The following RAPGEF3 variants were observed in gnomAD, a reference collection of about 807,000 sequenced individuals.
RAPGEF3 encodes 9330170P05Rik.
A neutral mutation model predicts 129.8 loss-of-function variants in RAPGEF3; 103 were observed. The ratio of observed to expected loss-of-function variants is 0.79; its 90% confidence interval spans 0.68 to 0.93. The LOEUF is 0.93. Among genes scored for constraint, RAPGEF3 ranks in the 40% least tolerant of loss-of-function variants. The pLI, the probability that RAPGEF3 is intolerant of heterozygous loss-of-function variation, is 0.00. For synonymous variants in RAPGEF3, 436 were observed against 482.6 expected, an observed-to-expected ratio of 0.90 and a Z score of 1.26; for missense variants, 1,117 against 1,207.4, an observed-to-expected ratio of 0.93 and a Z score of 1.11.
Position 47,738,229 on chromosome 12 carries a change from C to T in RAPGEF3, c.2545G>A (p.Ala849Thr), listed in dbSNP as rs201397656. Residue 849 changes from alanine (A) to threonine (T), a missense_variant, in exon 26 of 28, where the codon GCG (alanine) becomes ACG (threonine). Physicochemically the swap from Ala to Thr is moderately conservative, Grantham distance 58. This residue lies in a region of RAPGEF3 where 643 missense variants were observed against 673.4 expected (regional missense o/e 0.95). Transcript: ENST00000449771. ...CTTCGGCAGTGGTGCAGCATCCGCGCGGCTCTGGCCATCATTCTCTGCGGA... is the reference window on the plus strand; with the variant it reads ...CTTCGGCAGTGGTGCAGCATCCGCGTGGCTCTGGCCATCATTCTCTGCGGA... Reference protein sequence around the residue: ...FEKMRMMARAARMLHHCRSHN... With the variant: ...FEKMRMMARATRMLHHCRSHN... 8.1e-6 allele frequency: 13 copies of T among 1,613,554 alleles called. No individual in the cohort carries two copies. The highest frequency in any genetic ancestry group is 1.1e-5 in the Non-Finnish European group (13 of 1,180,012).
At chr12:47,738,629 A>G in intron 25 of RAPGEF3, 61 bp downstream of exon 25, 2 of 1,439,158 alleles carry the variant, frequency 1.4e-6, no homozygotes, top group Non-Finnish European at 2.0e-6. Flanking sequence ...GCCCCTTCCC[A>G]GGCCACAGTC....
At chr12:47,757,426 G>T (rs998892049) in intron 2 of RAPGEF3, among the ~76,000 whole-genome samples, 1 of 152,012 alleles carries the variant, frequency 6.6e-6, no homozygotes, top group Non-Finnish European at 1.5e-5. Context: ...AGACCAAAAC[G>T]CAGAATTAGC....
rs1197605224 is a variant in RAPGEF3, at chr12:47,735,421, C to T, written c.*2146G>A. On this transcript the variant is annotated 3_prime_UTR_variant, in exon 28 of 28. Transcript: ENST00000449771. ...GGGGCCACCGTAACATGGAGCCTTT[C>T]CCCGCTTTTGGGCCTCCTGTCCTCT... 2 of 152,354 alleles carry T rather than the reference C, an allele frequency of 1.3e-5. No individual in the cohort carries two copies. The highest frequency in any genetic ancestry group is 2.9e-5 in the Non-Finnish European group (2 of 68,138). The allele number at this position is 152,354 out of a possible 1,614,324, so 9.4% of individuals were successfully genotyped here.
chr12:47,740,945 G>C lies in RAPGEF3; in HGVS notation c.2019C>G (p.His673Gln), dbSNP rs148525602. Reference sequence around the variant, plus strand: ...GGATACTGTTGAAGAGGCTCCAGTCGTGGTCCGTCAGCTGGCCTGCCAGGT... The same window carrying C: ...GGATACTGTTGAAGAGGCTCCAGTCCTGGTCCGTCAGCTGGCCTGCCAGGT... ...AKDLAGQLTD[H>Q]DWSLFNSIHQ... Residue 673 changes from histidine to glutamine, a missense_variant, in exon 20 of 28, where the codon CAC becomes CAG. By Grantham distance (24) the His-to-Gln change is conservative. Around this residue, in one of 3 missense-constraint regions of RAPGEF3, gnomAD observed 643 missense variants for 673.4 expected, o/e 0.95. Transcript: ENST00000449771. 1 of 1,613,976 alleles carries C rather than the reference G, an allele frequency of 6.2e-7. No individual in the cohort carries two copies. Among genetic ancestry groups the C allele is most frequent in the South Asian group, 1.1e-5 (1 of 91,078 alleles).
rs182987959 is a variant in RAPGEF3, at chr12:47,738,439, C to G, written c.2527-192G>C. ...CGGGGACCAGGCAGAGGACAGAAGG[C>G]AGAGGCCAGGAGAGAAAGGCTTAGA... On this transcript the variant is annotated intron_variant, in intron 25 of 27. Coordinates refer to ENST00000449771, the MANE Select transcript of RAPGEF3 (RefSeq NM_001098531.4). Among the ~76,000 whole-genome samples the G allele has an allele frequency of 1.1e-3, 166 of 152,238 alleles. 1 individual carries two copies. Among genetic ancestry groups the G allele is most frequent in the Middle Eastern group, 0.01 (3 of 294 alleles).
chr12:47,758,231 AG>A, intron 1 of RAPGEF3, 153 bp from the exon 2 acceptor site: 2 of 1,435,294 alleles, frequency 1.4e-6, no homozygotes, highest in South Asian at 3.0e-5. Context: ...GGGGAGGAAC[AG>A]GAAGACCTTC....
chr12:47,737,693 A>T lies in RAPGEF3; in HGVS notation c.2654-8T>A. 1 of 1,612,086 alleles carries T rather than the reference A, an allele frequency of 6.2e-7. No homozygotes were observed. The highest frequency in any genetic ancestry group is 8.5e-7 in the Non-Finnish European group (1 of 1,178,950). On this transcript the variant is annotated splice_polypyrimidine_tract_variant and splice_region_variant and intron_variant, in intron 27 of 27. Coordinates refer to ENST00000449771, the MANE Select transcript of RAPGEF3 (RefSeq NM_001098531.4). ...TCAGGGACTGCTCCGAGCCTGGTGG[A>T]GGAGAGTAGTCAGGGAGGCACTGAT...
chr12:47,751,552 A>G, intron 4 of RAPGEF3, 32 bp from the exon 5 acceptor site: 1 of 1,613,226 alleles, frequency 6.2e-7, no homozygotes, highest in Non-Finnish European at 8.5e-7. Flanking sequence ...AGGCCAGTGG[A>G]AGGAGGGTGG....
At chr12:47,757,766 C>T in intron 2 of RAPGEF3, 100 bp downstream of exon 2, 1 of 1,205,212 alleles carries the variant, frequency 8.3e-7, no homozygotes. Flanking sequence ...TGTACACCCC[C>T]AGAGCAAGCT....
chr12:47,750,332 A>G lies in RAPGEF3; in HGVS notation c.756+9T>C. ...GGTACGGGGCAGGGCTGGGAGGGGC[A>G]GGACTGACCGAGTTGGAGAGGTGGG... On this transcript the variant is annotated intron_variant, in intron 7 of 27. Coordinates refer to ENST00000449771, the MANE Select transcript of RAPGEF3 (RefSeq NM_001098531.4). 1 of 1,613,236 alleles carries G rather than the reference A, an allele frequency of 6.2e-7. No individual in the cohort carries two copies. The highest frequency in any genetic ancestry group is 8.5e-7 in the Non-Finnish European group (1 of 1,179,228).
intron 2 of RAPGEF3, among the ~76,000 whole-genome samples, chr12:47,757,539 C>T (rs1019116227): frequency 7.2e-5 from 11 of 152,148 alleles, no homozygotes; most frequent in African/African-American, 1.9e-4. Context: ...CCCCATACCT[C>T]CCACCTCCAC....
At position 47,749,983 on chromosome 12, in the gene RAPGEF3, C is replaced by T. The variant is rs1015916972; in HGVS notation, c.764G>A (p.Arg255Gln). The T allele has an allele frequency of 5.6e-6, 9 of 1,614,100 alleles. No homozygotes were observed. The highest frequency in any genetic ancestry group is 1.1e-5 in the South Asian group (1 of 91,078). ...AAAGAGCAGAACAGCCGCTAATTCT[C>T]GCTTCACCTGTGTGGTGGAGATAGG... Reference protein sequence around the residue: ...AVAHLSNSVKRELAAVLLFEP... With the variant: ...AVAHLSNSVKQELAAVLLFEP... Residue 255 changes from arginine to glutamine, a missense_variant, in exon 8 of 28, where the codon CGA becomes CAA. This residue lies in a region of RAPGEF3 where 367 missense variants were observed against 373.4 expected (regional missense o/e 0.98). Coordinates refer to ENST00000449771, the MANE Select transcript of RAPGEF3 (RefSeq NM_001098531.4). This position sits in a 1 kb window ranked among gnomAD's most constrained non-coding sequence, Gnocchi z 4.5.
chr12:47,747,032 C>T lies in RAPGEF3; in HGVS notation c.1557-133G>A, dbSNP rs191620624. The T allele has an allele frequency of 1.0e-4, 83 of 829,882 alleles. 1 individual carries two copies. The East Asian group carries it at 2.3e-3, about 23-fold the overall frequency. 51.4% of individuals were successfully genotyped at this position (829,882 alleles called of 1,614,324 possible). Reference sequence around the variant, plus strand: ...GGTAAGCACGACCAGGTAAGTATCACATAAAGAGGGGAGAACACGGTCTTG... The same window carrying T: ...GGTAAGCACGACCAGGTAAGTATCATATAAAGAGGGGAGAACACGGTCTTG... On this transcript the variant is annotated intron_variant, in intron 15 of 27. Transcript: ENST00000449771.
rs778789161 is a variant in RAPGEF3, at chr12:47,751,066, G to A, written c.653C>T (p.Thr218Ile). ...LSQRGPDALL[T>I]VALRKPPGQR... The stretch of plus-strand genomic sequence containing the variant: ...GACTCACGGCTTTCGAAGTGCCACA[G>A]TGAGCAGGGCGTCAGGCCCCCGCTG... Residue 218 changes from threonine to isoleucine, a missense_variant, in exon 6 of 28, where the codon ACT (threonine) becomes ATT (isoleucine). Physicochemically the swap from Thr to Ile is moderately conservative, Grantham distance 89. Transcript: ENST00000449771. 12 of 1,597,032 alleles carry A rather than the reference G, an allele frequency of 7.5e-6. No homozygotes were observed. The highest frequency in any genetic ancestry group is 4.6e-5 in the South Asian group (4 of 87,526).
In RAPGEF3 at chr12:47,740,781, C is replaced by T. The variant is rs112035828; in HGVS notation, c.2092G>A (p.Asp698Asn). Residue 698 changes from aspartate (D) to asparagine (N), a missense_variant, in exon 21 of 28, where the codon GAT becomes AAT. Coordinates refer to ENST00000449771, the MANE Select transcript of RAPGEF3 (RefSeq NM_001098531.4). ...CGCTCCAGGTTGGCGGTGGTGACAT[C>T]CCGCAGATGCTGGGGGCCCAGCACA... is the stretch of plus-strand genomic sequence containing the variant. ...HYVLGPQHLR[D>N]VTTANLERFM... The T allele has an allele frequency of 1.3e-3, 2,156 of 1,614,050 alleles. 14 individuals are homozygous for T. The African/African-American group carries it at 0.023, about 17-fold the overall frequency.
At chr12:47,757,705 C>A (rs917319545) in intron 2 of RAPGEF3, among the ~76,000 whole-genome samples, 161 bp downstream of exon 2, 3 of 152,196 alleles carry the variant, frequency 2.0e-5, no homozygotes, top group African/African-American at 7.2e-5. Flanking sequence ...GAGCCACCCA[C>A]GCACACTGCA....
Position 47,740,681 on chromosome 12 carries a change from C to G in RAPGEF3, c.2192G>C (p.Arg731Pro). Residue 731 changes from arginine to proline, a missense_variant, in exon 21 of 28, where the codon CGG becomes CCG. Physicochemically the swap from Arg to Pro is moderately radical, Grantham distance 103. Transcript: ENST00000449771. The stretch of plus-strand genomic sequence containing the variant: ...AATGAACTTCCTGAGCAGCTGGGCC[C>G]GGGGGCCGGGCACGGGGCAGAGACA... ...ELCLCPVPGP[R>P]AQLLRKFIKL... is the part of the protein sequence containing the mutation. 2 of 1,613,762 alleles carry G rather than the reference C, an allele frequency of 1.2e-6. No individual in the cohort carries two copies. The highest frequency in any genetic ancestry group is 1.7e-6 in the Non-Finnish European group (2 of 1,179,948).
chr12:47,743,442 C>A (rs1565753718), intron 18 of RAPGEF3, 88 bp downstream of exon 18: 10 of 1,474,050 alleles, frequency 6.8e-6, no homozygotes, highest in Non-Finnish European at 8.3e-6. Flanking sequence ...AGAAAGATGA[C>A]AATGATGACA....
intron 2 of RAPGEF3, among the ~76,000 whole-genome samples, chr12:47,757,404 C>T (rs1421284430): frequency 6.6e-6 from 1 of 152,126 alleles, no homozygotes; most frequent in African/African-American, 2.4e-5. Flanking sequence ...TCCACATGAT[C>T]ACCTCACCCT....
Sources: allele counts gnomAD v4.1 joint callset (sites outside exome capture counted in the v4.1 genomes callset), GRCh38; gene constraint gnomAD v4.1.1; regional missense constraint gnomAD v4.1.1; non-coding constraint Gnocchi (gnomAD v3.1); transcripts MANE v1.5; gene names NCBI Gene and HGNC (gene_info 2026-07-23, HGNC 2026-07-21).